The following TLR1 variants were observed in gnomAD, a reference collection of about 807,000 sequenced individuals.
The protein encoded by TLR1 is toll-like receptor 1.
TLR1 carries 19 observed loss-of-function variants against 20.2 expected under a neutral mutation model. The observed-to-expected ratio is 0.94, with a 90% CI of 0.66 to 1.38. TLR1 has a LOEUF of 1.38. Among genes scored for constraint, TLR1 ranks in the 40% most tolerant of loss-of-function variants. TLR1 has a pLI of 0.00. For synonymous variants in TLR1, 320 were observed against 334.5 expected (o/e 0.96, Z 0.47); for missense variants, 921 against 910.0 (o/e 1.01, Z -0.16).
chr4:38,796,471 C>A lies in TLR1; in HGVS notation c.2361G>T (p.Ter787TyrextTer39). The change falls in exon 4 of 4, where the codon TAG becomes TAT. Residue 787 changes from the stop codon to tyrosine (Y), a stop_lost. Transcript: ENST00000308979. Reference protein sequence around the residue: ...NIKLTEQAKK* With the variant: ...NIKLTEQAKKY ...GAATATTTTTCACTTGATGTGTAAT[C>A]TATTTCTTTGCTTGCTCTGTCAGCT... 6.2e-7 allele frequency: 1 copy of A among 1,604,686 alleles called. No homozygotes were observed. The highest frequency in any genetic ancestry group is 2.2e-5 in the East Asian group (1 of 44,610).
chr4:38,799,299 T>A (rs1475740046), intron 3 of TLR1, among the ~76,000 whole-genome samples: 1 of 152,188 alleles, frequency 6.6e-6, no homozygotes, highest in African/African-American at 2.4e-5. Flanking sequence ...AAGTGCTTTT[T>A]TAAGAGAAAG....
At chr4:38,788,872 G>T (rs1287680831), downstream of TLR1, among the ~76,000 whole-genome samples, 1 of 152,112 alleles carries the variant, frequency 6.6e-6, no homozygotes, top group Non-Finnish European at 1.5e-5. Flanking sequence ...GCCAGGTGTA[G>T]TGGCATGCCC....
At position 38,798,553 on chromosome 4, in the gene TLR1, C is replaced by T. The variant is rs1161760562; in HGVS notation, c.279G>A (p.Gln93=). The part of the protein sequence containing the change: ...YLDISVFKFN[Q]ELEYLDLSHN... ...GGGACAAATCCAAGTATTCCAATTC[C>T]TGGTTGAATTTGAAAACACTGATAT... The change falls in exon 4 of 4, where the codon CAG becomes CAA. Residue 93 remains glutamine (Q), a synonymous_variant. Transcript: ENST00000308979. 1 of 1,614,110 alleles carries T rather than the reference C, an allele frequency of 6.2e-7. No individual in the cohort carries two copies. The highest frequency in any genetic ancestry group is 1.1e-5 in the South Asian group (1 of 91,080).
chr4:38,797,137 G>A lies in TLR1; in HGVS notation c.1695C>T (p.Thr565=), dbSNP rs1560457135. The A allele has an allele frequency of 1.2e-6, 2 of 1,614,176 alleles. No homozygotes were observed. The highest frequency in any genetic ancestry group is 1.1e-5 in the South Asian group (1 of 91,082). ...KCDYPESYRG[T]LLKDFHMSEL... is the part of the protein sequence containing the mutation. ...CAGACATGTGAAAGTCCTTTAGTAG[G>A]GTTCCTCTATAACTTTCCGGGTAGT... The change falls in exon 4 of 4, where the codon ACC becomes ACT. Residue 565 remains threonine (T), a synonymous_variant. Coordinates refer to ENST00000308979, the MANE Select transcript of TLR1 (RefSeq NM_003263.4).
Position 38,797,146 on chromosome 4 carries a change from A to G in TLR1, c.1686T>C (p.Tyr562=), listed in dbSNP as rs753369710. ...GAAAGTCCTTTAGTAGGGTTCCTCT[A>G]TAACTTTCCGGGTAGTCACACTTAT... ...DSYKCDYPES[Y]RGTLLKDFHM... is the part of the protein sequence containing the mutation. Residue 562 remains tyrosine, a synonymous_variant, in exon 4 of 4, where the codon TAT becomes TAC. Coordinates refer to ENST00000308979, the MANE Select transcript of TLR1 (RefSeq NM_003263.4). 8 of 1,614,242 alleles carry G rather than the reference A, an allele frequency of 5.0e-6. No homozygotes were observed. In the South Asian group the frequency reaches 7.7e-5, roughly 16 times the overall value.
Position 38,796,419 on chromosome 4 carries a change from T to G in TLR1, c.*52A>C. 6.4e-7 allele frequency: 1 copy of G among 1,565,730 alleles called. No individual in the cohort carries two copies. Among genetic ancestry groups the G allele is most frequent in the Non-Finnish European group, 8.7e-7 (1 of 1,151,870 alleles). ...TGCAAAATAAAGTCATTGTTGGAAC[T>G]TCCAAAAGCAGCAATATCAACAGGA... On this transcript the variant is annotated 3_prime_UTR_variant, in exon 4 of 4. Transcript: ENST00000308979.
At position 38,797,676 on chromosome 4, in the gene TLR1, C is replaced by A. The variant is rs150011580; in HGVS notation, c.1156G>T (p.Glu386Ter). ...GTCATTTCAGCTATTTTTGAAAGTT[C>A]TTTTAATTGATTCATTTGTAAAATA... is the stretch of plus-strand genomic sequence containing the variant. Reference protein sequence around the residue: ...TLILQMNQLKELSKIAEMTTQ... With the variant: ...TLILQMNQLK Residue 386 changes from glutamate (E) to a stop codon, truncating the protein, a stop_gained, in exon 4 of 4, where the codon GAA becomes TAA. Transcript: ENST00000308979. LOFTEE classifies it high-confidence loss of function. 1.5e-5 allele frequency: 24 copies of A among 1,613,646 alleles called. No individual in the cohort carries two copies. The highest frequency in any genetic ancestry group is 1.7e-5 in the Non-Finnish European group (20 of 1,179,944).
chr4:38,797,662 T>C lies in TLR1; in HGVS notation c.1170A>G (p.Ile390Met), dbSNP rs192055114. 6.4e-5 allele frequency: 103 copies of C among 1,613,958 alleles called. No homozygotes were observed. The highest frequency in any genetic ancestry group is 8.4e-5 in the Non-Finnish European group (99 of 1,179,978). ...ACTTCATCTGTGTAGTCATTTCAGC[T>C]ATTTTTGAAAGTTCTTTTAATTGAT... is the stretch of plus-strand genomic sequence containing the variant. ...QMNQLKELSK[I>M]AEMTTQMKSL... Residue 390 changes from isoleucine to methionine, a missense_variant, in exon 4 of 4, where the codon ATA (isoleucine) becomes ATG (methionine). Transcript: ENST00000308979.
chr4:38,797,994 T>C lies in TLR1; in HGVS notation c.838A>G (p.Asn280Asp), dbSNP rs753200846. 1.7e-5 allele frequency: 27 copies of C among 1,614,128 alleles called. No individual in the cohort carries two copies. In the South Asian group the frequency reaches 2.5e-4, roughly 15 times the overall value. ...TCCAGCTGACCCTGTAGCTTCACGT[T>C]TGAAATTGAGAAATACCATACAGTT... ...HTTVWYFSIS[N>D]VKLQGQLDFR... Residue 280 changes from asparagine (N) to aspartate (D), a missense_variant, in exon 4 of 4, where the codon AAC becomes GAC. Transcript: ENST00000308979.
Position 38,798,071 on chromosome 4 carries a change from A to G in TLR1, c.761T>C (p.Ile254Thr), listed in dbSNP as rs1726282504. 6.2e-7 allele frequency: 1 copy of G among 1,613,826 alleles called. No individual in the cohort carries two copies. The highest frequency in any genetic ancestry group is 8.5e-7 in the Non-Finnish European group (1 of 1,179,764). The part of the protein sequence containing the change: ...PKLSNLTLNN[I>T]ETTWNSFIRI... ...AATGAAAGAATTCCAAGTTGTTTCAATGTTGTTTAAGGTAAGATTTGATAA... is the reference window on the plus strand; with the variant it reads ...AATGAAAGAATTCCAAGTTGTTTCAGTGTTGTTTAAGGTAAGATTTGATAA... Residue 254 changes from isoleucine to threonine, a missense_variant, in exon 4 of 4, where the codon ATT becomes ACT. By Grantham distance (89) the Ile-to-Thr change is moderately conservative. Coordinates refer to ENST00000308979, the MANE Select transcript of TLR1 (RefSeq NM_003263.4).
At chr4:38,795,549 A>G (rs1221423882), downstream of TLR1, among the ~76,000 whole-genome samples, 2 of 152,236 alleles carry the variant, frequency 1.3e-5, no homozygotes, top group African/African-American at 4.8e-5. Context: ...GTTAGTTCAT[A>G]CAACCAGAAT....
chr4:38,789,932 G>A (rs77398551), downstream of TLR1, among the ~76,000 whole-genome samples: 4,937 of 152,112 alleles, frequency 0.032, 295 homozygotes, highest in African/African-American at 0.11. Flanking sequence ...TATGCTTTTT[G>A]GTTTTCTTGT....
At chr4:38,790,323 T>C (rs1725686197), downstream of TLR1, among the ~76,000 whole-genome samples, 1 of 152,252 alleles carries the variant, frequency 6.6e-6, no homozygotes. Flanking sequence ...ATGTCATGCC[T>C]CATATTTGAT....
At chr4:38,801,145 C>G (rs1726614184) in intron 2 of TLR1, among the ~76,000 whole-genome samples, 197 bp from the exon 3 acceptor site, 1 of 152,204 alleles carries the variant, frequency 6.6e-6, no homozygotes, top group East Asian at 1.9e-4. Context: ...CTGTGAAATT[C>G]TTATGTTGAA....
downstream of TLR1, among the ~76,000 whole-genome samples, chr4:38,793,528 C>T (rs1725849008): frequency 6.6e-6 from 1 of 152,140 alleles, no homozygotes; most frequent in Non-Finnish European, 1.5e-5. Flanking sequence ...AATTCTTCAT[C>T]TTCCAACTTT....
rs1259424613 is a variant in TLR1, at chr4:38,796,941, G to A, written c.1891C>T (p.Leu631Phe). The A allele has an allele frequency of 1.2e-6, 2 of 1,614,088 alleles. No individual in the cohort carries two copies. Among genetic ancestry groups the A allele is most frequent in the African/African-American group, 2.7e-5 (2 of 74,940 alleles). ...RRARNIPLEE[L>F]QRNLQFHAFI... is the part of the protein sequence containing the mutation. ...GCATGAAACTGGAGATTTCTTTGGA[G>A]TTCTTCTAAGGGTATGTTCCTGGCC... Residue 631 changes from leucine (L) to phenylalanine (F), a missense_variant, in exon 4 of 4, where the codon CTC becomes TTC. By Grantham distance (22) the Leu-to-Phe change is conservative (BLOSUM62 0). Transcript: ENST00000308979.
At chr4:38,802,950 A>AAG (rs376540821) in intron 2 of TLR1, among the ~76,000 whole-genome samples, 11 of 150,684 alleles carry the variant, frequency 7.3e-5, no homozygotes, top group East Asian at 3.9e-4. Context: ...CAGCCAGAGA[A>AAG]AGAGAGAGAG....
chr4:38,797,171 T>C lies in TLR1; in HGVS notation c.1661A>G (p.Tyr554Cys), dbSNP rs137853173. 4.2e-5 allele frequency: 68 copies of C among 1,614,134 alleles called. No homozygotes were observed. The East Asian group carries it at 1.1e-3, about 26-fold the overall frequency. Residue 554 changes from tyrosine to cysteine, a missense_variant, in exon 4 of 4, where the codon TAT (tyrosine) becomes TGT (cysteine). Coordinates refer to ENST00000308979, the MANE Select transcript of TLR1 (RefSeq NM_003263.4). ...ATAACTTTCCGGGTAGTCACACTTA[T>C]AAGAATCAGGCCAGCCCTCTAACAC... is the stretch of plus-strand genomic sequence containing the variant. The part of the protein sequence containing the change: ...SEVLEGWPDS[Y>C]KCDYPESYRG...
In TLR1 at chr4:38,797,853, T is replaced by C. The variant is rs1185565799; in HGVS notation, c.979A>G (p.Asn327Asp). The change falls in exon 4 of 4, where the codon AAC (asparagine) becomes GAC (aspartate). Residue 327 changes from asparagine (N) to aspartate (D), a missense_variant. Transcript: ENST00000308979. The part of the protein sequence containing the change: ...SYIYEIFSNM[N>D]IKNFTVSGTR... ...CCAGACACTGTGAAATTTTTGATGT[T>C]CATATTCGAAAAGATTTCATAGATA... The C allele has an allele frequency of 6.2e-7, 1 of 1,614,030 alleles. No individual in the cohort carries two copies. Among genetic ancestry groups the C allele is most frequent in the East Asian group, 2.2e-5 (1 of 44,878 alleles).
Sources: gnomAD v4.1 joint callset for allele counts (sites outside exome capture counted in the v4.1 genomes callset) on GRCh38, gnomAD v4.1.1 for gene constraint, MANE v1.5 for transcripts, NCBI Gene and HGNC (gene_info 2026-07-23, HGNC 2026-07-21) for gene names.